CADPS2: variants seen among roughly 807,000 people sequenced by gnomAD.
CADPS2 encodes the protein calcium-dependent secretion activator 2.
CADPS2 carries 93 observed loss-of-function variants against 172.5 expected under a neutral mutation model. The observed-to-expected ratio is 0.54, with a 90% CI of 0.46 to 0.64. CADPS2 has a LOEUF of 0.64. Among genes scored for constraint, CADPS2 ranks in the 30% least tolerant of loss-of-function variants. CADPS2 has a pLI of 0.00. For missense variants in CADPS2, 1,420 were observed against 1,565.9 expected (o/e 0.91, Z 1.57); for synonymous variants, 546 against 555.2 (o/e 0.98, Z 0.23).
intron 2 of CADPS2, chr7:122,681,673 T>G: frequency 8.1e-7 from 1 of 1,239,948 alleles, no homozygotes; most frequent in Admixed American, 1.7e-5. Flanking sequence ...GGAGCTGAGT[T>G]CTTAAAGACT....
At chr7:122,335,244 T>C (rs542343718) in intron 28 of CADPS2, among the ~76,000 whole-genome samples, 1 of 152,350 alleles carries the variant, frequency 6.6e-6, no homozygotes, top group South Asian at 2.1e-4. Context: ...ATTAAACTTA[T>C]ACATTTATTG....
At chr7:122,744,318 C>T (rs1007051185) in intron 1 of CADPS2, among the ~76,000 whole-genome samples, 8 of 152,238 alleles carry the variant, frequency 5.3e-5, no homozygotes, top group East Asian at 1.9e-4. Flanking sequence ...TCCCAACTTC[C>T]TTGACATGAG....
At chr7:122,767,068 GAC>G (rs2138945647) in intron 1 of CADPS2, among the ~76,000 whole-genome samples, 1 of 152,262 alleles carries the variant, frequency 6.6e-6, no homozygotes, top group East Asian at 1.9e-4. Context: ...ATAGTTGAGA[GAC>G]AGTTGCCTTC....
intron 27 of CADPS2, among the ~76,000 whole-genome samples, chr7:122,353,403 A>T (rs1358798458): frequency 6.6e-6 from 1 of 152,114 alleles, no homozygotes; most frequent in Non-Finnish European, 1.5e-5. Context: ...ATCTTAGGAC[A>T]AACCACCAAG....
chr7:122,870,005 A>C (rs2141465677), intron 1 of CADPS2, among the ~76,000 whole-genome samples: 1 of 152,198 alleles, frequency 6.6e-6, no homozygotes, highest in South Asian at 2.1e-4. Flanking sequence ...AAATCCTCAA[A>C]CCACAAAGGA....
chr7:122,323,910 T>C, intron 29 of CADPS2, among the ~76,000 whole-genome samples: 1 of 55,640 alleles, frequency 1.8e-5, no homozygotes, highest in South Asian at 7.2e-4. Context: ...TATATATATA[T>C]ATATATATAT....
intron 1 of CADPS2, among the ~76,000 whole-genome samples, chr7:122,819,659 C>T (rs937898255): frequency 2.0e-5 from 3 of 152,048 alleles, no homozygotes; most frequent in African/African-American, 4.8e-5. Flanking sequence ...TTTAGTTATC[C>T]CCACCTGCCC....
At chr7:122,385,135 G>A (rs139381697) in intron 24 of CADPS2, among the ~76,000 whole-genome samples, 324 of 151,960 alleles carry the variant, frequency 2.1e-3, no homozygotes, top group African/African-American at 6.9e-3. Flanking sequence ...GAGGTAAATA[G>A]GAGCCACTGG....
chr7:122,823,253 A>G (rs756924651), intron 1 of CADPS2, among the ~76,000 whole-genome samples: 2 of 152,202 alleles, frequency 1.3e-5, no homozygotes, highest in Non-Finnish European at 2.9e-5. Flanking sequence ...TAATTTCTCA[A>G]TTGCACAATG....
intron 8 of CADPS2, among the ~76,000 whole-genome samples, chr7:122,521,949 C>T (rs1222125091): frequency 1.3e-5 from 2 of 152,038 alleles, no homozygotes; most frequent in African/African-American, 4.8e-5. Flanking sequence ...CAGTATAAAA[C>T]TATACTAAAA....
chr7:122,397,502 A>G (rs2045312175), intron 20 of CADPS2, among the ~76,000 whole-genome samples: 1 of 151,730 alleles, frequency 6.6e-6, no homozygotes, highest in Non-Finnish European at 1.5e-5. Context: ...AGAGAAATAC[A>G]CAAAGAGGGG....
chr7:122,577,461 T>C (rs1437851117), intron 7 of CADPS2, among the ~76,000 whole-genome samples: 1 of 152,162 alleles, frequency 6.6e-6, no homozygotes, highest in Non-Finnish European at 1.5e-5. Context: ...TCCATTTGCA[T>C]TTACATTCGT....
At chr7:122,399,955 T>C (rs908159659) in intron 20 of CADPS2, among the ~76,000 whole-genome samples, 4 of 147,986 alleles carry the variant, frequency 2.7e-5, no homozygotes, top group Non-Finnish European at 6.0e-5. Context: ...ATTACAGGCG[T>C]GAGCCACCGC....
At chr7:122,653,807 T>C (rs1400838612) in intron 3 of CADPS2, among the ~76,000 whole-genome samples, 7 of 152,308 alleles carry the variant, frequency 4.6e-5, no homozygotes, top group Middle Eastern at 3.4e-3. Context: ...TGAGGCACCA[T>C]GAACTGCTCC....
At chr7:122,713,171 A>C (rs1400669773) in intron 2 of CADPS2, among the ~76,000 whole-genome samples, 1 of 152,238 alleles carries the variant, frequency 6.6e-6, no homozygotes, top group South Asian at 2.1e-4. Flanking sequence ...GGAGCTTTAA[A>C]TTTTTATATT....
At chr7:122,761,621 G>GA (rs1272719681) in intron 1 of CADPS2, among the ~76,000 whole-genome samples, 4 of 151,658 alleles carry the variant, frequency 2.6e-5, no homozygotes, top group Non-Finnish European at 5.9e-5. Context: ...TACTTTATCT[G>GA]AAAAATAAAA....
chr7:122,356,436 T>C (rs1354455693), intron 27 of CADPS2, among the ~76,000 whole-genome samples: 2 of 152,188 alleles, frequency 1.3e-5, no homozygotes, highest in African/African-American at 2.4e-5. Context: ...ATGTTGACCT[T>C]TGATCAACTG....
intron 6 of CADPS2, among the ~76,000 whole-genome samples, chr7:122,611,120 A>G (rs1203623868): frequency 6.6e-6 from 1 of 152,156 alleles, no homozygotes; most frequent in Non-Finnish European, 1.5e-5. Flanking sequence ...AAAAAGAAAG[A>G]TCTCAAATCA....
At chr7:122,561,645 T>C (rs1468566446) in intron 7 of CADPS2, among the ~76,000 whole-genome samples, 1 of 152,128 alleles carries the variant, frequency 6.6e-6, no homozygotes, top group African/African-American at 2.4e-5. Flanking sequence ...GGGTAATTCA[T>C]TTGTACCACA....
Sources: gnomAD v4.1 joint callset for allele counts (sites outside exome capture counted in the v4.1 genomes callset) on GRCh38, gnomAD v4.1.1 for gene constraint, MANE v1.5 for transcripts, NCBI Gene and HGNC (gene_info 2026-07-23, HGNC 2026-07-21) for gene names.